Variants in SBF2 observed in about 807,000 individuals in gnomAD.
SBF2 encodes the protein SET binding factor 2.
Under a neutral mutation model 225.2 loss-of-function variants are expected in SBF2, and 112 were observed. The observed-to-expected ratio is 0.50, with a 90% CI of 0.43 to 0.58. The LOEUF is 0.58. SBF2 is among the 20% of genes least tolerant of loss of function. The pLI, the probability that SBF2 is intolerant of heterozygous loss-of-function variation, is 0.00. For missense variants in SBF2, 1,996 were observed against 2,206.2 expected, an observed-to-expected ratio of 0.90 and a Z score of 1.91; for synonymous variants, 763 against 773.3, an observed-to-expected ratio of 0.99 and a Z score of 0.22.
chr11:10,197,478 T>TA (rs1007351400), intron 1 of SBF2, among the ~76,000 whole-genome samples: 10 of 152,216 alleles, frequency 6.6e-5, no homozygotes, highest in African/African-American at 1.9e-4. Flanking sequence ...GCTTTATTGC[T>TA]AAAAAATGCT....
upstream of SBF2, among the ~76,000 whole-genome samples, chr11:10,296,904 G>C (rs531379673): frequency 6.6e-6 from 1 of 152,134 alleles, no homozygotes; most frequent in Non-Finnish European, 1.5e-5. Flanking sequence ...AGCTATCTTA[G>C]TGTGAAGTGA....
chr11:10,293,391 A>T (rs1964293864), intron 1 of SBF2, among the ~76,000 whole-genome samples: 1 of 152,250 alleles, frequency 6.6e-6, no homozygotes, highest in Admixed American at 6.5e-5. Context: ...GTTAAAAGAC[A>T]AGTCATGTCA....
At chr11:10,228,563 A>T (rs981998943) in intron 1 of SBF2, among the ~76,000 whole-genome samples, 1 of 152,216 alleles carries the variant, frequency 6.6e-6, no homozygotes, top group African/African-American at 2.4e-5. Context: ...CCTTTTCTGC[A>T]TCTATTGAGA....
At chr11:10,237,103 T>C (rs557771612) in intron 1 of SBF2, among the ~76,000 whole-genome samples, 138 of 152,124 alleles carry the variant, frequency 9.1e-4, no homozygotes, top group African/African-American at 3.1e-3. Flanking sequence ...GAGCCACATT[T>C]TGGGAGGCTG....
At chr11:10,153,933 T>C (rs1955344043) in intron 2 of SBF2, among the ~76,000 whole-genome samples, 1 of 152,142 alleles carries the variant, frequency 6.6e-6, no homozygotes, top group Non-Finnish European at 1.5e-5. Context: ...CTTTCTCCAC[T>C]GAATAATCTT....
Position 10,189,912 on chromosome 11 carries a change from G to A in SBF2, c.141+3990C>T, listed in dbSNP as rs549828156. On this transcript the variant is annotated intron_variant, in intron 2 of 39. Coordinates refer to ENST00000256190, the MANE Select transcript of SBF2 (RefSeq NM_030962.4). ...CACATCTGTAATCGCAGCACTTTGG[G>A]AGGCCAAGGCAGGGGGATCACCTGA... Among the ~76,000 whole-genome samples the A allele has an allele frequency of 8.2e-4, 125 of 152,284 alleles. 1 individual carries two copies. The highest frequency in any genetic ancestry group is 2.8e-3 in the African/African-American group (118 of 41,568).
At chr11:10,178,350 C>T (rs1456878099) in intron 2 of SBF2, among the ~76,000 whole-genome samples, 2 of 147,138 alleles carry the variant, frequency 1.4e-5, no homozygotes, top group Non-Finnish European at 3.0e-5. Context: ...AATGGGACCT[C>T]ATTACACTAA....
At chr11:9,808,327 G>T in intron 31 of SBF2, 142 bp from the exon 32 acceptor site, 1 of 706,276 alleles carries the variant, frequency 1.4e-6, no homozygotes, top group Non-Finnish European at 2.4e-6. Context: ...TTCCAGGATG[G>T]CCAATAAAAT....
At position 9,833,667 on chromosome 11, in the gene SBF2, A is replaced by G. The variant is rs377155610; in HGVS notation, c.3456-1247T>C. On this transcript the variant is annotated intron_variant, in intron 26 of 39. Coordinates refer to ENST00000256190, the MANE Select transcript of SBF2 (RefSeq NM_030962.4). ...GATCTCCTGACCTCGTGATCTGCCC[A>G]CCTTGGCCTCCCAAAGTGCTGGGAT... Among the ~76,000 whole-genome samples, 145 of 151,424 alleles carry G rather than the reference A, an allele frequency of 9.6e-4. 4 individuals carry two copies. In the South Asian group the frequency reaches 0.024, roughly 25 times the overall value.
chr11:10,136,462 T>C (rs1954359536), intron 2 of SBF2, among the ~76,000 whole-genome samples: 1 of 152,180 alleles, frequency 6.6e-6, no homozygotes, highest in Non-Finnish European at 1.5e-5. Flanking sequence ...GGCTGGAGAC[T>C]GAGTTAGTAT....
intron 3 of SBF2, among the ~76,000 whole-genome samples, chr11:10,037,795 A>T (rs924508683): frequency 6.6e-6 from 1 of 151,900 alleles, no homozygotes; most frequent in Non-Finnish European, 1.5e-5. Context: ...ACCAAAAATG[A>T]TTGGGTTGTA....
At chr11:9,815,553 C>G (rs1218225341) in intron 29 of SBF2, among the ~76,000 whole-genome samples, 1 of 151,998 alleles carries the variant, frequency 6.6e-6, no homozygotes, top group African/African-American at 2.4e-5. Context: ...GGCAGCATCC[C>G]AACTCTTTCT....
At chr11:10,183,529 A>G (rs886714982) in intron 2 of SBF2, among the ~76,000 whole-genome samples, 19 of 152,040 alleles carry the variant, frequency 1.2e-4, no homozygotes, top group African/African-American at 3.9e-4. Context: ...GTTTTCTTTT[A>G]AAAACTTTAT....
At chr11:10,242,377 T>C (rs1046019671) in intron 1 of SBF2, among the ~76,000 whole-genome samples, 1 of 149,828 alleles carries the variant, frequency 6.7e-6, no homozygotes, top group Admixed American at 6.6e-5. Flanking sequence ...CAAAAAAAGA[T>C]AAAAAGAAAA....
chr11:9,905,974 C>T (rs914766326), intron 16 of SBF2, among the ~76,000 whole-genome samples: 4 of 152,094 alleles, frequency 2.6e-5, no homozygotes, highest in Admixed American at 2.0e-4. Context: ...AGGAAAACAC[C>T]GCACCTTTTT....
chr11:9,993,200 T>C, intron 10 of SBF2, 97 bp from the exon 11 acceptor site: 1 of 825,760 alleles, frequency 1.2e-6, no homozygotes, highest in Admixed American at 2.0e-5. Flanking sequence ...TCCAAGTCCT[T>C]TGATTTTTAT....
At chr11:9,811,842 G>A (rs749586446) in intron 30 of SBF2, among the ~76,000 whole-genome samples, 3 of 152,090 alleles carry the variant, frequency 2.0e-5, no homozygotes, top group African/African-American at 4.8e-5. Flanking sequence ...GGGGCCAGGC[G>A]TGGCAGCTCA....
intron 21 of SBF2, among the ~76,000 whole-genome samples, chr11:9,850,419 CT>C (rs1856841894): frequency 6.6e-6 from 1 of 152,078 alleles, no homozygotes; most frequent in African/African-American, 2.4e-5. Flanking sequence ...CTATGCCTGG[CT>C]TATTTTTAAA....
intron 6 of SBF2, among the ~76,000 whole-genome samples, chr11:10,027,344 T>C (rs1350936410): frequency 2.6e-5 from 4 of 152,226 alleles, no homozygotes; most frequent in African/African-American, 7.2e-5. Flanking sequence ...TTTATATTTA[T>C]ACTAATCTCC....
Sources: gnomAD v4.1 joint callset for allele counts (sites outside exome capture counted in the v4.1 genomes callset) on GRCh38, gnomAD v4.1.1 for gene constraint, MANE v1.5 for transcripts, NCBI Gene and HGNC (gene_info 2026-07-23, HGNC 2026-07-21) for gene names.